The following GRAMD2A variants were observed in gnomAD, a reference collection of about 807,000 sequenced individuals.
GRAMD2A encodes GRAM domain containing 2A.
In GRAMD2A, 37 loss-of-function variants were observed where a neutral mutation model predicts 51.1. That is an observed-to-expected ratio of 0.72 (90% CI 0.56 to 0.95). GRAMD2A has a LOEUF of 0.95. GRAMD2A is among the 40% of genes least tolerant of loss of function. The pLI, the probability that GRAMD2A is intolerant of heterozygous loss-of-function variation, is 0.00. For synonymous variants in GRAMD2A, 136 were observed against 157.1 expected (o/e 0.87, Z 1.01); for missense variants, 414 against 426.9 (o/e 0.97, Z 0.27).
At position 72,161,527 on chromosome 15, in the gene GRAMD2A, G is replaced by GTGT. The variant is rs1390140494; in HGVS notation, c.*479_*481dup. The stretch of plus-strand genomic sequence containing the variant: ...CAGAGAAGCCCTGTGGGAACACAGA[G>GTGT]TGTTGGGAGGGAGCAGAGCCCACAT... On this transcript the variant is annotated 3_prime_UTR_variant, in exon 12 of 12. Transcript: ENST00000309731. 4 of 166,480 alleles carry GTGT rather than the reference G, an allele frequency of 2.4e-5. No homozygotes were observed. Among genetic ancestry groups the GTGT allele is most frequent in the African/African-American group, 7.2e-5 (3 of 41,656 alleles). 10.3% of individuals were successfully genotyped at this position (166,480 alleles called of 1,614,324 possible). A position where few individuals can be genotyped will look rare whatever the true frequency, so the allele number is the denominator to read the frequency against.
At chr15:72,163,914 T>A (rs1213673738) in intron 8 of GRAMD2A, 157 bp from the exon 9 acceptor site, 17 of 681,690 alleles carry the variant, frequency 2.5e-5, no homozygotes, top group Non-Finnish European at 4.1e-5. Context: ...GGGCAGTTGC[T>A]ATAGCAACCA....
chr15:72,173,905 GC>G (rs907723462), intron 1 of GRAMD2A: 9 of 128,546 alleles, frequency 7.0e-5, no homozygotes, highest in Non-Finnish European at 1.4e-4. Flanking sequence ...CTCCAGTCCA[GC>G]CTGGGCGACG....
In GRAMD2A at chr15:72,161,942, T is replaced by C. The variant is rs1567078842; in HGVS notation, c.*67A>G. 3 of 1,556,308 alleles carry C rather than the reference T, an allele frequency of 1.9e-6. No homozygotes were observed. The highest frequency in any genetic ancestry group is 1.8e-6 in the Non-Finnish European group (2 of 1,127,344). On this transcript the variant is annotated 3_prime_UTR_variant, in exon 12 of 12. Transcript: ENST00000309731. The stretch of plus-strand genomic sequence containing the variant: ...GCAGCAGCATAAACCACAGGGATCA[T>C]TGGTGGAGACTTAGCACCCAGAACA...
At chr15:72,164,145 C>A (rs1345423164) in intron 8 of GRAMD2A, among the ~76,000 whole-genome samples, 3 of 152,196 alleles carry the variant, frequency 2.0e-5, no homozygotes, top group African/African-American at 7.2e-5. Context: ...GACTTAGCGT[C>A]CCCATCTACA....
At chr15:72,172,505 C>G (rs909911728) in intron 1 of GRAMD2A, among the ~76,000 whole-genome samples, 2 of 150,524 alleles carry the variant, frequency 1.3e-5, no homozygotes, top group East Asian at 4.0e-4. Flanking sequence ...CAACCTCCGC[C>G]TCCCAGGTTC....
Position 72,163,710 on chromosome 15 carries a change from G to A in GRAMD2A, c.648C>T (p.Ser216=). 1 of 1,609,880 alleles carries A rather than the reference G, an allele frequency of 6.2e-7. No individual in the cohort carries two copies. The highest frequency in any genetic ancestry group is 8.5e-7 in the Non-Finnish European group (1 of 1,178,902). The change falls in exon 9 of 12, where the codon TCC becomes TCT. Residue 216 remains serine (S), a synonymous_variant. Transcript: ENST00000309731. ...EMKWRKVCPS[S]RSLSLPDNIP... ...TGTTGTCTGGGAGAGACAGGGACCT[G>A]GAGGAAGGGCATACCTTTCTCCACT...
rs2081456446 is a variant in GRAMD2A at position 72,160,222 on chromosome 15, G to A, written c.*1787C>T. On this transcript the variant is annotated 3_prime_UTR_variant, in exon 12 of 12. Coordinates refer to ENST00000309731, the MANE Select transcript of GRAMD2A (RefSeq NM_001012642.3). ...CTCTGACAACCAAGCAAGGCTCAGAGAATGGATTTTTATCTCTGTCTTTCA... is the reference window on the plus strand; with the variant it reads ...CTCTGACAACCAAGCAAGGCTCAGAAAATGGATTTTTATCTCTGTCTTTCA... 1 of 150,920 alleles carries A rather than the reference G, an allele frequency of 6.6e-6. No homozygotes were observed. The highest frequency in any genetic ancestry group is 2.4e-5 in the African/African-American group (1 of 41,008). The allele number at this position is 150,920 out of a possible 1,614,324, so 9.3% of individuals were successfully genotyped here. A position where few individuals can be genotyped will look rare whatever the true frequency, so the allele number is the denominator to read the frequency against.
intron 1 of GRAMD2A, among the ~76,000 whole-genome samples, chr15:72,177,789 A>G (rs950373563): frequency 3.3e-5 from 5 of 152,212 alleles, no homozygotes; most frequent in African/African-American, 4.8e-5. Flanking sequence ...GGGCAGTGGC[A>G]TAATCTCAGC....
At chr15:72,184,437 AG>A (rs1245791119) in intron 1 of GRAMD2A, among the ~76,000 whole-genome samples, 1 of 152,212 alleles carries the variant, frequency 6.6e-6, no homozygotes, top group Admixed American at 6.5e-5. Flanking sequence ...GGGAGCTGCC[AG>A]GAGTGCCGCA....
chr15:72,196,605 G>C (rs1166098719), intron 1 of GRAMD2A, among the ~76,000 whole-genome samples: 1 of 152,124 alleles, frequency 6.6e-6, no homozygotes, highest in Non-Finnish European at 1.5e-5. Flanking sequence ...TCCCAGCAAG[G>C]CCATAAGTCT....
intron 1 of GRAMD2A, among the ~76,000 whole-genome samples, chr15:72,186,395 G>T (rs2081734384): frequency 6.6e-6 from 1 of 151,666 alleles, no homozygotes; most frequent in African/African-American, 2.4e-5. Flanking sequence ...CGCCATCTCG[G>T]CTCACTGCAA....
intron 1 of GRAMD2A, among the ~76,000 whole-genome samples, chr15:72,193,818 G>C (rs773269004): frequency 6.6e-6 from 1 of 152,200 alleles, no homozygotes; most frequent in African/African-American, 2.4e-5. Flanking sequence ...GAGCCAACGC[G>C]CCAGGCCGTG....
At position 72,176,854 on chromosome 15, in the gene GRAMD2A, C is replaced by CTTTT. The variant is rs60618044; in HGVS notation, c.42-6919_42-6916dup. ...GTGCACATTAGAATCACCTGCAGTG[C>CTTTT]TTTTTTTTTTTTTTTTTTTTTTTTT... On this transcript the variant is annotated intron_variant, in intron 1 of 11. Transcript: ENST00000309731. Among the ~76,000 whole-genome samples, 719 of 72,166 alleles carry CTTTT rather than the reference C, an allele frequency of 1.0e-2. 10 individuals carry two copies. Among genetic ancestry groups the CTTTT allele is most frequent in the African/African-American group, 0.017 (337 of 19,368 alleles). 47.3% of individuals were successfully genotyped at this position (72,166 alleles called of 152,430 possible).
rs530672359 is a variant in GRAMD2A at position 72,194,911 on chromosome 15, C to T, written c.41+2820G>A. 4.6e-5 allele frequency among the ~76,000 whole-genome samples: 7 copies of T among 152,276 alleles called. No individual in the cohort carries two copies. The South Asian group carries it at 1.5e-3, about 32-fold the overall frequency. On this transcript the variant is annotated intron_variant, in intron 1 of 11. Transcript: ENST00000309731. The stretch of plus-strand genomic sequence containing the variant: ...CCATGTTGGCCAGGCTGGTCTTGAA[C>T]TCCTGACCTCAGGGGATCCACCTGT...
intron 5 of GRAMD2A, among the ~76,000 whole-genome samples, chr15:72,167,321 G>T (rs1412244701): frequency 6.6e-6 from 1 of 152,198 alleles, no homozygotes; most frequent in Non-Finnish European, 1.5e-5. Context: ...TGTCACATAG[G>T]TATGATCCCT....
intron 1 of GRAMD2A, among the ~76,000 whole-genome samples, chr15:72,189,848 A>G (rs1056104244): frequency 3.9e-5 from 6 of 152,238 alleles, no homozygotes; most frequent in Non-Finnish European, 8.8e-5. Context: ...GGTCTGTCTG[A>G]AAGCTTAGGC....
chr15:72,165,556 G>A (rs1466240133), intron 7 of GRAMD2A, 146 bp from the exon 8 acceptor site: 14 of 725,634 alleles, frequency 1.9e-5, no homozygotes, highest in Non-Finnish European at 2.3e-5. Context: ...GGTCTATAGG[G>A]GGCCCCCTAT....
Position 72,169,914 on chromosome 15 carries a change from C to A in GRAMD2A, c.67G>T (p.Ala23Ser). 3 of 1,614,174 alleles carry A rather than the reference C, an allele frequency of 1.9e-6. No homozygotes were observed. The East Asian group carries it at 6.7e-5, about 36-fold the overall frequency. The change falls in exon 2 of 12, where the codon GCT becomes TCT. Residue 23 changes from alanine to serine, a missense_variant. Coordinates refer to ENST00000309731, the MANE Select transcript of GRAMD2A (RefSeq NM_001012642.3). Reference protein sequence around the residue: ...GGNQQMHRKTASLNSPVSCKE... With the variant: ...GGNQQMHRKTSSLNSPVSCKE... ...CAGGACACAGGACTGTTCAGAGAAG[C>A]TGTCTTTCTGTGCATTTGTTGGTTG...
In GRAMD2A at chr15:72,166,520, C is replaced by T; in HGVS notation, c.543+112G>A. On this transcript the variant is annotated intron_variant, in intron 7 of 11. Transcript: ENST00000309731. The surrounding 1 kb of genome is among the most constrained non-coding windows in gnomAD (Gnocchi z 4.1). The stretch of plus-strand genomic sequence containing the variant: ...GCCTGAGCCTTTAACTCCCCTCTCC[C>T]TGCCCCATTCCCTGTGCTGGAGAGA... The T allele has an allele frequency of 1.3e-6, 1 of 774,286 alleles. No individual in the cohort carries two copies. Among genetic ancestry groups the T allele is most frequent in the South Asian group, 1.4e-5 (1 of 70,842 alleles). The allele number at this position is 774,286 out of a possible 1,614,324, so 48.0% of individuals were successfully genotyped here. A position where few individuals can be genotyped will look rare whatever the true frequency, so the allele number is the denominator to read the frequency against.
Sources: allele counts gnomAD v4.1 joint callset (sites outside exome capture counted in the v4.1 genomes callset), GRCh38; gene constraint gnomAD v4.1.1; non-coding constraint Gnocchi (gnomAD v3.1); transcripts MANE v1.5; gene names NCBI Gene and HGNC (gene_info 2026-07-23, HGNC 2026-07-21).